STARD13: variants seen among roughly 807,000 people sequenced by gnomAD.
STARD13 encodes the protein stAR-related lipid transfer protein 13.
In STARD13, 62 loss-of-function variants were observed where a neutral mutation model predicts 106.4. The observed-to-expected ratio is 0.58, with a 90% CI of 0.48 to 0.72. The LOEUF is 0.72. Ranked by LOEUF, STARD13 falls within the 30% of genes least tolerant of loss-of-function variation. The pLI, the probability that STARD13 is intolerant of heterozygous loss-of-function variation, is 0.00. For missense variants in STARD13, 1,387 were observed against 1,424.0 expected (o/e 0.97, Z 0.42); for synonymous variants, 565 against 553.0 (o/e 1.02, Z -0.31).
chr13:33,226,756 A>T (rs984252659), intron 1 of STARD13, among the ~76,000 whole-genome samples: 16 of 152,188 alleles, frequency 1.1e-4, no homozygotes, highest in Non-Finnish European at 2.1e-4. Context: ...TCTATTATTC[A>T]GATAAGAACA....
chr13:33,228,489 G>A (rs73465045), intron 1 of STARD13, among the ~76,000 whole-genome samples: 2,303 of 151,894 alleles, frequency 0.015, 51 homozygotes, highest in African/African-American at 0.05. Context: ...AACAGAGACT[G>A]TGTGGACTCC....
At chr13:33,415,171 A>G in the STARD13 span, among the ~76,000 whole-genome samples, 1 of 152,160 alleles carries the variant, frequency 6.6e-6, no homozygotes, top group Admixed American at 6.5e-5. Flanking sequence ...GATCGAGACC[A>G]TCCTGGCTAA....
intron 7 of STARD13, among the ~76,000 whole-genome samples, chr13:33,121,107 A>G (rs1281491755): frequency 6.6e-6 from 1 of 152,064 alleles, no homozygotes; most frequent in Non-Finnish European, 1.5e-5. Context: ...CCATTTTGGG[A>G]TGGGGCTTCT....
intron 1 of STARD13, chr13:33,333,714 G>A (rs1413675051): frequency 1.3e-5 from 2 of 152,176 alleles, no homozygotes; most frequent in Non-Finnish European, 2.9e-5. Flanking sequence ...CACTGAGTCA[G>A]TTAGGCTGCC....
At chr13:33,401,246 T>A in the STARD13 span, among the ~76,000 whole-genome samples, 113 of 152,350 alleles carry the variant, frequency 7.4e-4, 2 homozygotes, top group East Asian at 0.02. Context: ...ATTTTTTTTC[T>A]GAAATATTTT....
intron 4 of STARD13, among the ~76,000 whole-genome samples, chr13:33,137,992 A>C (rs556440223): frequency 1.4e-3 from 213 of 152,352 alleles, no homozygotes; most frequent in African/African-American, 4.9e-3. Context: ...GACGGCATCC[A>C]GGCCAGGAGG....
In STARD13 at chr13:33,142,384, A is replaced by G. The variant is rs759557142; in HGVS notation, c.324-11T>C. 1 of 1,609,820 alleles carries G rather than the reference A, an allele frequency of 6.2e-7. No homozygotes were observed. Among genetic ancestry groups the G allele is most frequent in the Non-Finnish European group, 8.5e-7 (1 of 1,176,260 alleles). On this transcript the variant is annotated splice_polypyrimidine_tract_variant and intron_variant, in intron 3 of 13. Transcript: ENST00000336934. ...AACGTATTTAGTCGTCTAAAAGGAA[A>G]GAAAAATGTGATGATTACTTTCACT...
At chr13:33,467,616 T>C in the STARD13 span, among the ~76,000 whole-genome samples, 1 of 152,126 alleles carries the variant, frequency 6.6e-6, no homozygotes, top group Non-Finnish European at 1.5e-5. Flanking sequence ...TGCCTGTCTT[T>C]GGGTTGCATA....
the STARD13 span, among the ~76,000 whole-genome samples, chr13:33,407,090 C>T: frequency 1.3e-5 from 2 of 152,230 alleles, no homozygotes; most frequent in East Asian, 1.9e-4. Context: ...TATGGGTTCT[C>T]AATGTAAAAG....
chr13:33,365,501 T>C, the STARD13 span, among the ~76,000 whole-genome samples: 1 of 152,194 alleles, frequency 6.6e-6, no homozygotes, highest in African/African-American at 2.4e-5. Flanking sequence ...AAGGGAGCCC[T>C]GCCAGGGAAG....
the STARD13 span, among the ~76,000 whole-genome samples, chr13:33,514,101 C>G: frequency 3.3e-5 from 5 of 152,140 alleles, no homozygotes; most frequent in Non-Finnish European, 7.4e-5. Context: ...ACACATGATT[C>G]TCTCTGACAT....
At chr13:33,465,172 C>T in the STARD13 span, among the ~76,000 whole-genome samples, 1 of 150,678 alleles carries the variant, frequency 6.6e-6, no homozygotes, top group African/African-American at 2.4e-5. Context: ...TGTTGCCTGC[C>T]TTACAGCAGT....
At chr13:33,401,404 C>T in the STARD13 span, among the ~76,000 whole-genome samples, 1 of 152,140 alleles carries the variant, frequency 6.6e-6, no homozygotes, top group African/African-American at 2.4e-5. Flanking sequence ...CATTTGCACT[C>T]ATAAAATTGG....
At chr13:33,164,626 A>T (rs1483711998) in intron 3 of STARD13, among the ~76,000 whole-genome samples, 3 of 152,158 alleles carry the variant, frequency 2.0e-5, no homozygotes, top group Non-Finnish European at 4.4e-5. Flanking sequence ...ATTCTTCAGG[A>T]ATATAGCTTT....
chr13:33,650,315 C>G, the STARD13 span, among the ~76,000 whole-genome samples: 3 of 148,000 alleles, frequency 2.0e-5, no homozygotes, highest in African/African-American at 7.6e-5. Flanking sequence ...CTCAGCCTCC[C>G]AAGTAGCTGG....
At chr13:33,360,216 T>C in the STARD13 span, among the ~76,000 whole-genome samples, 1 of 152,104 alleles carries the variant, frequency 6.6e-6, no homozygotes, top group African/African-American at 2.4e-5. Flanking sequence ...ATTTTTTTTT[T>C]TCTTCTGAGA....
the STARD13 span, chr13:33,439,740 A>G: frequency 2.3e-5 from 28 of 1,210,302 alleles, 1 homozygote; most frequent in African/African-American, 3.2e-4. Context: ...AAAAAACAGT[A>G]TCACTCTTAA....
the STARD13 span, among the ~76,000 whole-genome samples, chr13:33,432,555 G>A: frequency 1.3e-5 from 2 of 152,134 alleles, no homozygotes; most frequent in Non-Finnish European, 2.9e-5. Flanking sequence ...AGAGATTAAT[G>A]TATTTCAAAG....
chr13:33,524,158 T>C, the STARD13 span: 3 of 796,098 alleles, frequency 3.8e-6, no homozygotes, highest in Non-Finnish European at 4.9e-6. Context: ...CACAGTGCTG[T>C]TTTTACCTTG....
Sources: gnomAD v4.1 joint callset for allele counts (sites outside exome capture counted in the v4.1 genomes callset) on GRCh38, gnomAD v4.1.1 for gene constraint, MANE v1.5 for transcripts, NCBI Gene and HGNC (gene_info 2026-07-23, HGNC 2026-07-21) for gene names.